TENM4: variants seen among roughly 807,000 people sequenced by gnomAD.
TENM4 encodes teneurin-4.
TENM4 carries 82 observed loss-of-function variants against 243.3 expected under a neutral mutation model. The observed-to-expected ratio is 0.34, with a 90% CI of 0.28 to 0.40. TENM4 has a LOEUF of 0.40. Ranked by LOEUF, TENM4 falls within the 10% of genes least tolerant of loss-of-function variation. The pLI is 1.00. For missense variants in TENM4, 3,138 were observed against 3,673.3 expected (o/e 0.85, Z 3.77); for synonymous variants, 1,412 against 1,456.3 (o/e 0.97, Z 0.69).
At chr11:79,000,411 G>A (rs1018537866) in intron 6 of TENM4, among the ~76,000 whole-genome samples, 1 of 151,680 alleles carries the variant, frequency 6.6e-6, no homozygotes, top group African/African-American at 2.4e-5. Flanking sequence ...AAGATTGAGT[G>A]AAACAATAAT....
intron 28 of TENM4, among the ~76,000 whole-genome samples, chr11:78,701,178 C>T (rs535235461): frequency 6.6e-6 from 1 of 151,934 alleles, no homozygotes; most frequent in South Asian, 2.1e-4. Context: ...AAGATGCTAG[C>T]ACTTCATCAG....
At chr11:79,134,920 A>G (rs907353347) in intron 4 of TENM4, among the ~76,000 whole-genome samples, 1 of 152,188 alleles carries the variant, frequency 6.6e-6, no homozygotes, top group Admixed American at 6.6e-5. Context: ...AAACCCTTCT[A>G]GAAATTGGCT....
At chr11:78,708,969 CTTTT>C (rs59269770) in intron 26 of TENM4, among the ~76,000 whole-genome samples, 6 of 113,136 alleles carry the variant, frequency 5.3e-5, no homozygotes, top group Non-Finnish European at 1.2e-4. Context: ...CTTTTTCTTT[CTTTT>C]TTTTTTTTTT....
At chr11:79,205,249 C>T (rs1863825973) in intron 3 of TENM4, among the ~76,000 whole-genome samples, 1 of 152,124 alleles carries the variant, frequency 6.6e-6, no homozygotes, top group African/African-American at 2.4e-5. Context: ...CCAATGGTAA[C>T]ATTTTGCAAA....
chr11:79,363,343 C>T (rs1386861612), intron 1 of TENM4, among the ~76,000 whole-genome samples: 1 of 152,228 alleles, frequency 6.6e-6, no homozygotes, highest in Admixed American at 6.5e-5. Flanking sequence ...AGAACTCATC[C>T]TTGGGAGGTT....
At chr11:79,007,089 C>T (rs1291866398) in intron 6 of TENM4, among the ~76,000 whole-genome samples, 1 of 152,158 alleles carries the variant, frequency 6.6e-6, no homozygotes, top group African/African-American at 2.4e-5. Flanking sequence ...CACAAGCTTG[C>T]CAGCCTACCC....
rs1855689579 is a variant in TENM4, at chr11:78,732,363, A to T, written c.3091T>A (p.Phe1031Ile). ...PVVSPSPLTS[F>I]ASSCAEKGPI... Reference sequence around the variant, plus strand: ...CCTTTCTCTGCACAGGAGCTGGCGAAGGACGTCAGTGGGGATGGAGAGACG... The same window carrying T: ...CCTTTCTCTGCACAGGAGCTGGCGATGGACGTCAGTGGGGATGGAGAGACG... The change falls in exon 21 of 34, where the codon TTC becomes ATC. Residue 1031 changes from phenylalanine (F) to isoleucine (I), a missense_variant. Physicochemically the swap from Phe to Ile is conservative, Grantham distance 21. Transcript: ENST00000278550. The T allele has an allele frequency of 6.2e-7, 1 of 1,613,644 alleles. No individual in the cohort carries two copies. The highest frequency in any genetic ancestry group is 1.3e-5 in the African/African-American group (1 of 74,926).
At chr11:79,210,026 T>C (rs1863927500) in intron 3 of TENM4, among the ~76,000 whole-genome samples, 1 of 152,238 alleles carries the variant, frequency 6.6e-6, no homozygotes, top group South Asian at 2.1e-4. Context: ...TAAATGTTTA[T>C]TTATCCTTAC....
chr11:78,894,919 G>A (rs371507970), intron 7 of TENM4, among the ~76,000 whole-genome samples: 13 of 147,934 alleles, frequency 8.8e-5, no homozygotes, highest in African/African-American at 2.5e-4. Context: ...ACCTGAACCC[G>A]GGGAGGCTGA....
At chr11:79,000,612 A>G (rs1335618425) in intron 6 of TENM4, among the ~76,000 whole-genome samples, 1 of 152,252 alleles carries the variant, frequency 6.6e-6, no homozygotes, top group African/African-American at 2.4e-5. Flanking sequence ...CACTAAAAAA[A>G]ATCCTCAAGA....
In TENM4 at chr11:79,127,749, G is replaced by T. The variant is rs534659910; in HGVS notation, c.-66+20961C>A. ...TGGGCAAGAAGTAGGAAACATGCTG[G>T]ACTTATTGGTGAGACATTTGCATGC... On this transcript the variant is annotated intron_variant, in intron 4 of 33. Transcript: ENST00000278550. Among the ~76,000 whole-genome samples the T allele has an allele frequency of 9.8e-5, 15 of 152,312 alleles. No homozygotes were observed. In the East Asian group the frequency reaches 2.9e-3, roughly 29 times the overall value.
At chr11:79,193,066 A>G (rs1863549764) in intron 3 of TENM4, 1 of 152,354 alleles carries the variant, frequency 6.6e-6, no homozygotes, top group Admixed American at 6.5e-5. Flanking sequence ...AGAGGCCCTG[A>G]TTGATGCCCA....
At chr11:78,889,641 T>C in intron 9 of TENM4, 144 bp downstream of exon 9, 1 of 843,094 alleles carries the variant, frequency 1.2e-6, no homozygotes, top group Non-Finnish European at 1.9e-6. Flanking sequence ...GGGTGCAGAC[T>C]GTCCAGAACT....
intron 5 of TENM4, among the ~76,000 whole-genome samples, 187 bp from the exon 6 acceptor site, chr11:79,065,194 T>C (rs1163866401): frequency 6.6e-6 from 1 of 152,168 alleles, no homozygotes; most frequent in African/African-American, 2.4e-5. Context: ...CCCCTCTTCA[T>C]CAGCCTGAAC....
intron 6 of TENM4, among the ~76,000 whole-genome samples, chr11:79,004,958 AAAAC>A (rs1457398951): frequency 2.6e-5 from 4 of 151,120 alleles, no homozygotes; most frequent in African/African-American, 4.9e-5. Flanking sequence ...AAAAAAAAAA[AAAAC>A]AACTCTGACT....
At chr11:78,915,377 T>C (rs1359841124) in intron 6 of TENM4, among the ~76,000 whole-genome samples, 1 of 151,992 alleles carries the variant, frequency 6.6e-6, no homozygotes, top group African/African-American at 2.4e-5. Flanking sequence ...AGGGCAGAGG[T>C]TGTATCTTAA....
At chr11:78,863,969 T>A (rs1160467655) in intron 9 of TENM4, among the ~76,000 whole-genome samples, 1 of 152,186 alleles carries the variant, frequency 6.6e-6, no homozygotes, top group African/African-American at 2.4e-5. Context: ...TGAAGTAATA[T>A]CCACACAACA....
At chr11:78,999,080 T>C (rs1439563657) in intron 6 of TENM4, among the ~76,000 whole-genome samples, 1 of 152,208 alleles carries the variant, frequency 6.6e-6, no homozygotes, top group Non-Finnish European at 1.5e-5. Flanking sequence ...TCTCTGTCCA[T>C]CTGTCCATTG....
chr11:79,037,050 A>G (rs1029751451), intron 6 of TENM4, among the ~76,000 whole-genome samples: 1 of 150,690 alleles, frequency 6.6e-6, no homozygotes, highest in Admixed American at 6.6e-5. Context: ...AAAAAAGAAA[A>G]AAAAGAAAAT....
Sources: allele counts gnomAD v4.1 joint callset (sites outside exome capture counted in the v4.1 genomes callset), GRCh38; gene constraint gnomAD v4.1.1; transcripts MANE v1.5; gene names NCBI Gene and HGNC (gene_info 2026-07-23, HGNC 2026-07-21).